Variants in PRH1 observed in about 807,000 individuals in gnomAD.
PRH1 encodes the protein salivary acidic proline-rich phosphoprotein 1/2.
A neutral mutation model predicts 7.9 loss-of-function variants in PRH1; 7 were observed. The observed-to-expected ratio is 0.89, with a 90% CI of 0.50 to 1.67. The LOEUF is 1.67. PRH1 is among the 40% of genes most tolerant of loss of function. The pLI, the probability that PRH1 is intolerant of heterozygous loss-of-function variation, is 0.00. For missense variants in PRH1, 109 were observed against 223.6 expected, an observed-to-expected ratio of 0.49 and a Z score of 3.27; for synonymous variants, 45 against 80.8, an observed-to-expected ratio of 0.56 and a Z score of 2.38.
At chr12:11,001,137 G>T (rs1940572871) in intron 1 of PRH1, among the ~76,000 whole-genome samples, 1 of 151,872 alleles carries the variant, frequency 6.6e-6, no homozygotes. Context: ...CCTGGAAATT[G>T]ATGTGATGTT....
At chr12:10,909,697 T>C (rs1019028987) in intron 2 of PRH1, 1 of 177,620 alleles carries the variant, frequency 5.6e-6, no homozygotes, top group Non-Finnish European at 1.2e-5. Context: ...CCAGCTTGAG[T>C]TCTGAGGTAC....
chr12:11,071,388 A>G, intron 1 of PRH1, among the ~76,000 whole-genome samples: 1 of 152,126 alleles, frequency 6.6e-6, no homozygotes, highest in East Asian at 1.9e-4. Context: ...ATTATAAAAT[A>G]AAAAAAAGAC....
intron 1 of PRH1, chr12:11,121,256 A>C (rs963638490): frequency 6.6e-6 from 1 of 152,210 alleles, no homozygotes; most frequent in Non-Finnish European, 1.5e-5. Context: ...CCAATAAAAC[A>C]TATCATTAAT....
intron 2 of PRH1, among the ~76,000 whole-genome samples, chr12:10,890,336 G>A (rs544978201): frequency 6.6e-6 from 1 of 152,174 alleles, no homozygotes; most frequent in East Asian, 1.9e-4. Flanking sequence ...AAAAAGCAGT[G>A]CATCGAATGG....
At chr12:10,886,032 G>C (rs541053886), upstream of PRH1, among the ~76,000 whole-genome samples, 190 of 152,296 alleles carry the variant, frequency 1.2e-3, no homozygotes, top group African/African-American at 4.0e-3. Flanking sequence ...ACCTATTTCA[G>C]GGGGGAATGC....
intron 2 of PRH1, among the ~76,000 whole-genome samples, chr12:10,961,578 C>T (rs1591732242): frequency 6.6e-6 from 1 of 152,108 alleles, no homozygotes; most frequent in East Asian, 1.9e-4. Flanking sequence ...ATTCCCTTAA[C>T]TGTCACTTAT....
At chr12:10,905,149 C>A (rs1949785252) in intron 2 of PRH1, among the ~76,000 whole-genome samples, 1 of 151,964 alleles carries the variant, frequency 6.6e-6, no homozygotes, top group Admixed American at 6.6e-5. Context: ...AATAAACTAC[C>A]ATTCAACCTA....
intron 2 of PRH1, chr12:10,895,505 A>G (rs757300416): frequency 3.3e-5 from 5 of 152,144 alleles, no homozygotes; most frequent in Non-Finnish European, 7.4e-5. Flanking sequence ...CACCTTGTGA[A>G]TTTTCCATTT....
At chr12:11,092,225 A>G (rs1944941665) in intron 1 of PRH1, 1 of 1,285,150 alleles carries the variant, frequency 7.8e-7, no homozygotes, top group East Asian at 2.3e-5. Flanking sequence ...TAGAAAAGTT[A>G]TCATGTCTGA....
intron 2 of PRH1, among the ~76,000 whole-genome samples, chr12:10,922,974 G>T (rs1172576276): frequency 1.1e-4 from 16 of 149,074 alleles, no homozygotes; most frequent in Non-Finnish European, 1.8e-4. Flanking sequence ...GACTACAGGC[G>T]CCCGCCACCG....
intron 2 of PRH1, among the ~76,000 whole-genome samples, chr12:10,963,946 G>T (rs1044682): frequency 0.24 from 37,043 of 152,030 alleles, 4,566 homozygotes; most frequent in Non-Finnish European, 0.25. Flanking sequence ...ATTAGAATGC[G>T]CATACCATCC....
chr12:11,118,782 C>G (rs1413416821), downstream of PRH1, among the ~76,000 whole-genome samples: 1 of 152,014 alleles, frequency 6.6e-6, no homozygotes, highest in Non-Finnish European at 1.5e-5. Context: ...ATCATGAGGT[C>G]AAGAGATTGA....
At chr12:10,884,273 TC>T, upstream of PRH1, 1 of 1,610,528 alleles carries the variant, frequency 6.2e-7, no homozygotes, top group Non-Finnish European at 8.5e-7. Flanking sequence ...ACGTGTCAGC[TC>T]CCTTTATAAA....
chr12:11,143,440 GGAAA>G (rs1477965022), intron 1 of PRH1, among the ~76,000 whole-genome samples: 2 of 152,090 alleles, frequency 1.3e-5, no homozygotes, highest in Non-Finnish European at 2.9e-5. Flanking sequence ...AAGATAGGAA[GGAAA>G]GAAAGAAGAG....
At chr12:10,953,020 T>TA (rs1937762773) in intron 2 of PRH1, among the ~76,000 whole-genome samples, 1 of 151,910 alleles carries the variant, frequency 6.6e-6, no homozygotes, top group Admixed American at 6.6e-5. Flanking sequence ...ACCCCAGACT[T>TA]AGAGTTAGAA....
chr12:10,930,150 A>T, intron 2 of PRH1: 4 of 1,187,130 alleles, frequency 3.4e-6, no homozygotes, highest in Non-Finnish European at 5.0e-6. Context: ...AGAGTGGCTG[A>T]TGAGATCTCA....
At chr12:11,001,269 A>C (rs1318243629) in intron 1 of PRH1, among the ~76,000 whole-genome samples, 2 of 152,070 alleles carry the variant, frequency 1.3e-5, no homozygotes, top group Non-Finnish European at 2.9e-5. Context: ...CCAATAAATA[A>C]ATTATAGCAC....
chr12:11,126,167 A>T (rs73049618), intron 1 of PRH1, among the ~76,000 whole-genome samples: 1 of 112,944 alleles, frequency 8.9e-6, no homozygotes, highest in Non-Finnish European at 1.9e-5. Flanking sequence ...AGTAGAATTT[A>T]CCAGCAATCC....
chr12:10,900,000 ACC>A (rs1315563754), intron 2 of PRH1, among the ~76,000 whole-genome samples: 2 of 152,218 alleles, frequency 1.3e-5, no homozygotes, highest in African/African-American at 4.8e-5. Context: ...AGAAAAAAAT[ACC>A]AACCTACATA....
Sources: allele counts gnomAD v4.1 joint callset (sites outside exome capture counted in the v4.1 genomes callset), GRCh38; gene constraint gnomAD v4.1.1; transcripts MANE v1.5; gene names NCBI Gene and HGNC (gene_info 2026-07-23, HGNC 2026-07-21).